FARS2: variants seen among roughly 807,000 people sequenced by gnomAD.
FARS2 encodes the protein phenylalanine--tRNA ligase, mitochondrial.
A neutral mutation model predicts 46.4 loss-of-function variants in FARS2; 40 were observed. The ratio of observed to expected loss-of-function variants is 0.86; its 90% CI spans 0.67 to 1.12. FARS2 has a LOEUF of 1.12. Among genes scored for constraint, FARS2 ranks in the 50% most tolerant of loss-of-function variants. The pLI is 0.00. For missense variants in FARS2, 513 were observed against 567.9 expected (o/e 0.90, Z 0.98); for synonymous variants, 234 against 214.9 (o/e 1.09, Z -0.78).
At chr6:5,274,825 A>C (rs148006945) in intron 1 of FARS2, among the ~76,000 whole-genome samples, 3,063 of 152,140 alleles carry the variant, frequency 0.02, 90 homozygotes, top group African/African-American at 0.07. Context: ...ATCCTTCTGC[A>C]TCAGCCTCCC....
At chr6:5,394,284 A>G (rs56207004) in intron 2 of FARS2, among the ~76,000 whole-genome samples, 2,244 of 152,336 alleles carry the variant, frequency 0.015, 18 homozygotes, top group African/African-American at 0.021. Context: ...CAATGGTCCC[A>G]CAAGATTATA....
chr6:5,371,283 G>A (rs1244878712), intron 2 of FARS2: 17 of 560,934 alleles, frequency 3.0e-5, no homozygotes, highest in East Asian at 1.4e-4. Context: ...ATGTTTTTTC[G>A]TCTTTCAGTT....
chr6:5,375,479 A>G (rs896550489), intron 2 of FARS2, among the ~76,000 whole-genome samples: 3 of 152,068 alleles, frequency 2.0e-5, no homozygotes, highest in Non-Finnish European at 4.4e-5. Context: ...GAAGATGACA[A>G]TTCATCCAAA....
At chr6:5,504,032 A>G (rs1196579270) in intron 4 of FARS2, among the ~76,000 whole-genome samples, 6 of 152,230 alleles carry the variant, frequency 3.9e-5, no homozygotes, top group Admixed American at 3.9e-4. Flanking sequence ...TGCCATTATT[A>G]AAACCACAGC....
intron 6 of FARS2, among the ~76,000 whole-genome samples, chr6:5,721,757 A>T (rs554923271): frequency 2.6e-5 from 4 of 152,330 alleles, no homozygotes; most frequent in Admixed American, 2.0e-4. Flanking sequence ...GGCCAAAAAC[A>T]CTGTCAGTTC....
intron 6 of FARS2, among the ~76,000 whole-genome samples, chr6:5,658,256 CAAA>C (rs3057209): frequency 0.011 from 1,465 of 135,458 alleles, 13 homozygotes; most frequent in African/African-American, 0.038. Flanking sequence ...AACTCTGTCT[CAAA>C]AAAAAAAAAA....
At chr6:5,628,276 A>G (rs954160338) in intron 6 of FARS2, among the ~76,000 whole-genome samples, 2 of 152,200 alleles carry the variant, frequency 1.3e-5, no homozygotes, top group African/African-American at 4.8e-5. Flanking sequence ...TTTCTGAAGG[A>G]AGGTAACATG....
intron 3 of FARS2, among the ~76,000 whole-genome samples, chr6:5,418,683 T>C (rs1762377958): frequency 6.6e-6 from 1 of 152,134 alleles, no homozygotes; most frequent in African/African-American, 2.4e-5. Context: ...CGCAGCTCTC[T>C]TCTCTCCTTT....
chr6:5,298,358 C>G (rs900985542), intron 1 of FARS2, among the ~76,000 whole-genome samples: 40 of 152,308 alleles, frequency 2.6e-4, no homozygotes, highest in African/African-American at 8.7e-4. Context: ...GTACATGGTC[C>G]TCAGCCCCAC....
chr6:5,692,143 G>A (rs961656430), intron 6 of FARS2, among the ~76,000 whole-genome samples: 9 of 152,202 alleles, frequency 5.9e-5, no homozygotes, highest in Non-Finnish European at 1.2e-4. Flanking sequence ...TCCCGGGTGA[G>A]GCGATACCTT....
chr6:5,459,940 C>T lies in FARS2; in HGVS notation c.904+28768C>T, dbSNP rs181843287. Among the ~76,000 whole-genome samples the T allele has an allele frequency of 5.4e-4, 80 of 149,520 alleles. 1 individual carries two copies. The highest frequency in any genetic ancestry group is 1.9e-3 in the African/African-American group (76 of 39,626). On this transcript the variant is annotated intron_variant, in intron 4 of 6. Coordinates refer to ENST00000274680, the MANE Select transcript of FARS2 (RefSeq NM_006567.5). ...TAAATATTCTCCTTTGACCATGCAA[C>T]GTGAAATATGAGGACTTAGCCATGT...
intron 4 of FARS2, among the ~76,000 whole-genome samples, chr6:5,519,237 A>G (rs1561680441): frequency 1.3e-5 from 2 of 152,310 alleles, no homozygotes; most frequent in South Asian, 4.1e-4. Flanking sequence ...TTGCTGTAAG[A>G]TAGATTGGCT....
At chr6:5,455,868 G>T (rs1764820577) in intron 4 of FARS2, among the ~76,000 whole-genome samples, 1 of 152,138 alleles carries the variant, frequency 6.6e-6, no homozygotes, top group Admixed American at 6.5e-5. Flanking sequence ...TGGTATTTAA[G>T]ATTATTTATT....
intron 4 of FARS2, among the ~76,000 whole-genome samples, chr6:5,458,236 T>A (rs1765021467): frequency 6.6e-6 from 1 of 152,242 alleles, no homozygotes; most frequent in Admixed American, 6.5e-5. Flanking sequence ...AGCCTGCCCA[T>A]GACTGGAAAT....
intron 1 of FARS2, among the ~76,000 whole-genome samples, chr6:5,281,822 G>A (rs966149537): frequency 1.3e-5 from 2 of 152,230 alleles, no homozygotes; most frequent in South Asian, 2.1e-4. Flanking sequence ...GACACTTCTC[G>A]AGGACCTGAA....
intron 4 of FARS2, chr6:5,451,717 G>A (rs751674227): frequency 6.6e-6 from 1 of 152,200 alleles, no homozygotes; most frequent in Non-Finnish European, 1.5e-5. Flanking sequence ...CATATGTATG[G>A]TTTATTCAGC....
chr6:5,526,649 G>A (rs1044014032), intron 4 of FARS2, among the ~76,000 whole-genome samples: 3 of 150,990 alleles, frequency 2.0e-5, no homozygotes, highest in South Asian at 2.1e-4. Flanking sequence ...ATGGAGTTTC[G>A]CTCTTGTTGC....
chr6:5,477,862 T>TA (rs1766214285), intron 4 of FARS2, among the ~76,000 whole-genome samples: 3 of 151,052 alleles, frequency 2.0e-5, no homozygotes, highest in Admixed American at 6.6e-5. Flanking sequence ...CTACAAAAAA[T>TA]AAAAAAAATG....
chr6:5,770,946 G>A (rs577583078), intron 6 of FARS2, among the ~76,000 whole-genome samples: 21 of 152,190 alleles, frequency 1.4e-4, no homozygotes, highest in Middle Eastern at 3.4e-3. Context: ...GAATCACGTC[G>A]GGAACCGGGG....
Sources: allele counts gnomAD v4.1 joint callset (sites outside exome capture counted in the v4.1 genomes callset), GRCh38; gene constraint gnomAD v4.1.1; transcripts MANE v1.5; gene names NCBI Gene and HGNC (gene_info 2026-07-23, HGNC 2026-07-21).